Variants in OR7D2 observed in about 807,000 individuals in gnomAD.
OR7D2 encodes olfactory receptor 7D2.
For synonymous variants in OR7D2, 158 were observed against 158.7 expected (o/e 1.00, Z 0.03); for missense variants, 370 against 384.1 (o/e 0.96, Z 0.31).
rs1223278898 is a variant in OR7D2 at position 9,187,549 on chromosome 19, A to G, written c.*829A>G. The G allele has an allele frequency of 1.2e-5, 2 of 166,798 alleles. No individual in the cohort carries two copies. Among genetic ancestry groups the G allele is most frequent in the Non-Finnish European group, 2.9e-5 (2 of 68,078 alleles). The allele number at this position is 166,798 out of a possible 1,614,324, so 10.3% of individuals were successfully genotyped here. A position where few individuals can be genotyped will look rare whatever the true frequency, so the allele number is the denominator to read the frequency against. ...GTTTTTGGGGTACATGTGGTTTTTC[A>G]TTACACGGATGAGTTCTTTAGTGGT... On this transcript the variant is annotated 3_prime_UTR_variant, in exon 3 of 3. Transcript: ENST00000641288.
At chr19:9,182,441 G>A (rs529820051) in intron 2 of OR7D2, 1 of 326,650 alleles carries the variant, frequency 3.1e-6, no homozygotes, top group Non-Finnish European at 5.8e-6. Flanking sequence ...CGGGAATCTC[G>A]GTGGAGCTGT....
intron 1 of OR7D2, among the ~76,000 whole-genome samples, chr19:9,179,330 A>G (rs2050974423): frequency 6.6e-6 from 1 of 152,040 alleles, no homozygotes; most frequent in Non-Finnish European, 1.5e-5. Context: ...GCTTGAGGCC[A>G]GGAGTCTAAG....
At chr19:9,182,949 CT>C (rs1568322389) in intron 2 of OR7D2, 10 of 458,868 alleles carry the variant, frequency 2.2e-5, no homozygotes, top group East Asian at 1.0e-4. Flanking sequence ...AATGCACGTT[CT>C]TTTTTGACAA....
Position 9,186,439 on chromosome 19 carries a change from C to A in OR7D2, c.658C>A (p.Arg220=). Residue 220 remains arginine, a synonymous_variant, in exon 3 of 3, where the codon CGA becomes AGA. Transcript: ENST00000641288. ...PLLGIIFSYS[R]IASSIRKMSS... ...CCTTGGGATCATTTTCTCTTATTCA[C>A]GAATTGCTTCATCCATAAGGAAGAT... 1 of 1,614,116 alleles carries A rather than the reference C, an allele frequency of 6.2e-7. No individual in the cohort carries two copies. The highest frequency in any genetic ancestry group is 8.5e-7 in the Non-Finnish European group (1 of 1,180,024).
chr19:9,185,873 T>A lies in OR7D2; in HGVS notation c.92T>A (p.Phe31Tyr), dbSNP rs1218812049. 6.2e-7 allele frequency: 1 copy of A among 1,613,832 alleles called. No homozygotes were observed. The highest frequency in any genetic ancestry group is 1.1e-5 in the South Asian group (1 of 91,026). ...CTACAGCCGTTCATATTTGGGCTGT[T>A]CCTGTCCATGTACCTGGTGACGGTG... ...PELQPFIFGLFLSMYLVTVLG... is the reference protein window; with the variant it reads ...PELQPFIFGLYLSMYLVTVLG... The change falls in exon 3 of 3, where the codon TTC becomes TAC. Residue 31 changes from phenylalanine (F) to tyrosine (Y), a missense_variant. Phe to Tyr is a conservative substitution (Grantham distance 22, BLOSUM62 3). Transcript: ENST00000641288.
At chr19:9,179,346 C>A (rs2050974583) in intron 1 of OR7D2, among the ~76,000 whole-genome samples, 1 of 152,000 alleles carries the variant, frequency 6.6e-6, no homozygotes, top group Non-Finnish European at 1.5e-5. Context: ...CTAAGACAAG[C>A]CTGGCCAACT....
At chr19:9,185,485 T>C (rs907038921) in intron 2 of OR7D2, 1 of 151,570 alleles carries the variant, frequency 6.6e-6, no homozygotes, top group African/African-American at 2.4e-5. Flanking sequence ...CTGATGTTTC[T>C]CTTACCGCTT....
At chr19:9,183,955 C>CAAAAAAAAAAAAAAAAAAAAAAAA (rs755935536) in intron 2 of OR7D2, among the ~76,000 whole-genome samples, 1 of 19,494 alleles carries the variant, frequency 5.1e-5, no homozygotes, top group Non-Finnish European at 1.3e-4. Flanking sequence ...GACTCCGTCT[C>CAAAAAAAAAAAAAAAAAAAAAAAA]AAAAAAAAAA....
chr19:9,186,468 C>G lies in OR7D2; in HGVS notation c.687C>G (p.Ser229=). The G allele has an allele frequency of 6.2e-7, 1 of 1,614,078 alleles. No homozygotes were observed. The highest frequency in any genetic ancestry group is 8.5e-7 in the Non-Finnish European group (1 of 1,180,022). Residue 229 remains serine (S), a synonymous_variant, in exon 3 of 3, where the codon TCC becomes TCG. Coordinates refer to ENST00000641288, the MANE Select transcript of OR7D2 (RefSeq NM_175883.4). ...TTGCTTCATCCATAAGGAAGATGTC[C>G]TCATCTGGGGGAAAACAAAAAGCAC... The part of the protein sequence containing the change: ...SRIASSIRKM[S]SSGGKQKALS...
At chr19:9,183,450 TA>T (rs1433641519) in intron 2 of OR7D2, among the ~76,000 whole-genome samples, 2 of 152,044 alleles carry the variant, frequency 1.3e-5, no homozygotes, top group South Asian at 4.2e-4. Context: ...TAATTTGGTT[TA>T]TTTTTTTGTA....
chr19:9,179,543 CAA>C (rs34397672), intron 1 of OR7D2, among the ~76,000 whole-genome samples: 4 of 142,364 alleles, frequency 2.8e-5, no homozygotes. Context: ...GACGCTGTCT[CAA>C]AAAAAAAAAA....
Position 9,186,479 on chromosome 19 carries a change from GA to G in OR7D2, c.702del (p.Lys234AsnfsTer31), listed in dbSNP as rs1429095341. 2.5e-6 allele frequency: 4 copies of G among 1,613,720 alleles called. No homozygotes were observed. Among genetic ancestry groups the G allele is most frequent in the Non-Finnish European group, 3.4e-6 (4 of 1,179,908 alleles). ...ATAAGGAAGATGTCCTCATCTGGGG[GA>G]AAACAAAAAGCACTTTCCACCTGTG... is the stretch of plus-strand genomic sequence containing the variant. ...SSIRKMSSSG[G>X]KQKALSTCGS... On this transcript the variant is annotated frameshift_variant, in exon 3 of 3. Coordinates refer to ENST00000641288, the MANE Select transcript of OR7D2 (RefSeq NM_175883.4). LOFTEE classifies it low-confidence loss of function (END_TRUNC).
chr19:9,183,000 C>T (rs61755885), intron 2 of OR7D2: 9,444 of 451,468 alleles, frequency 0.021, 743 homozygotes, highest in African/African-American at 0.17. Flanking sequence ...TTGACATACA[C>T]GGCATCAGGG....
At chr19:9,181,817 T>A (rs2050991424) in intron 2 of OR7D2, among the ~76,000 whole-genome samples, 1 of 152,152 alleles carries the variant, frequency 6.6e-6, no homozygotes, top group African/African-American at 2.4e-5. Flanking sequence ...CCCCTCAAGC[T>A]CAGTTTGTGT....
intron 2 of OR7D2, 96 bp from the exon 3 acceptor site, chr19:9,185,673 T>G (rs2051024962): frequency 1.4e-6 from 1 of 708,774 alleles, no homozygotes; most frequent in East Asian, 2.7e-5. Context: ...AGTTGCAAAT[T>G]CCTGGGCTCA....
intron 2 of OR7D2, among the ~76,000 whole-genome samples, chr19:9,183,955 CAAAAAAAAAAAAAAAAAAAAA>C (rs755935536): frequency 2.1e-3 from 40 of 19,490 alleles, no homozygotes; most frequent in Admixed American, 7.1e-3. Flanking sequence ...GACTCCGTCT[CAAAAAAAAAAAAAAAAAAAAA>C]AAAAAAAAAA....
chr19:9,184,747 TTGTGTGTATATATATGTATG>T (rs1488245992), intron 2 of OR7D2, among the ~76,000 whole-genome samples: 2 of 152,112 alleles, frequency 1.3e-5, no homozygotes, highest in East Asian at 1.9e-4. Flanking sequence ...ATATATTCCA[TTGTGTGTATATATATGTATG>T]TGTGTGTATA....
At position 9,185,755 on chromosome 19, in the gene OR7D2, C is replaced by G. The variant is rs747400493; in HGVS notation, c.-13-14C>G. The G allele has an allele frequency of 2.4e-5, 36 of 1,502,634 alleles. No homozygotes were observed. Among genetic ancestry groups the G allele is most frequent in the Non-Finnish European group, 3.0e-5 (33 of 1,108,848 alleles). The allele number at this position is 1,502,634 out of a possible 1,614,324, so 93.1% of individuals were successfully genotyped here. Reference sequence around the variant, plus strand: ...TCCACCACCATGCCTGGCTAATGACCTCTTCTTTTGTAGATACATCAGCTA... The same window carrying G: ...TCCACCACCATGCCTGGCTAATGACGTCTTCTTTTGTAGATACATCAGCTA... On this transcript the variant is annotated splice_polypyrimidine_tract_variant and intron_variant, in intron 2 of 2. Coordinates refer to ENST00000641288, the MANE Select transcript of OR7D2 (RefSeq NM_175883.4).
At chr19:9,183,382 C>T (rs959098322) in intron 2 of OR7D2, among the ~76,000 whole-genome samples, 4 of 152,110 alleles carry the variant, frequency 2.6e-5, no homozygotes, top group African/African-American at 9.7e-5. Flanking sequence ...TCAAAGCGAT[C>T]CTCCCGCCTC....
Sources: gnomAD v4.1 joint callset for allele counts (sites outside exome capture counted in the v4.1 genomes callset) on GRCh38, gnomAD v4.1.1 for gene constraint, MANE v1.5 for transcripts, NCBI Gene and HGNC (gene_info 2026-07-23, HGNC 2026-07-21) for gene names.